Variants in KRT27 observed in about 807,000 individuals in gnomAD.
The protein encoded by KRT27 is keratin 27.
KRT27 carries 30 observed loss-of-function variants against 45.3 expected under a neutral mutation model. The observed-to-expected ratio is 0.66, with a 90% CI of 0.50 to 0.90. The LOEUF is 0.90. KRT27 is among the 40% of genes least tolerant of loss of function. The pLI, the probability that KRT27 is intolerant of heterozygous loss-of-function variation, is 0.00. For synonymous variants in KRT27, 204 were observed against 223.9 expected, an observed-to-expected ratio of 0.91 and a Z score of 0.79; for missense variants, 610 against 564.3, an observed-to-expected ratio of 1.08 and a Z score of -0.82.
intron 1 of KRT27, 123 bp from the exon 2 acceptor site, chr17:40,781,393 C>G: frequency 1.6e-6 from 1 of 610,152 alleles, no homozygotes; most frequent in Non-Finnish European, 2.9e-6. Flanking sequence ...ATAATCAGAC[C>G]ATTCTTTTGA....
chr17:40,782,512 C>A lies in KRT27; in HGVS notation c.-19G>T, dbSNP rs367832183. On this transcript the variant is annotated 5_prime_UTR_variant, in exon 1 of 8. Coordinates refer to ENST00000301656, the MANE Select transcript of KRT27 (RefSeq NM_181537.4). ...CAGACATGGTGTCCGGAGGCTGGAG[C>A]CTTTGTTTCTGCGGTGATGCTCTGA... 422 of 1,513,870 alleles carry A rather than the reference C, an allele frequency of 2.8e-4. 1 individual carries two copies. The highest frequency in any genetic ancestry group is 6.0e-5 in the Non-Finnish European group (68 of 1,129,970). 93.8% of individuals were successfully genotyped at this position (1,513,870 alleles called of 1,614,324 possible).
At position 40,779,933 on chromosome 17, in the gene KRT27, G is replaced by T; in HGVS notation, c.685-72C>A. 10 of 1,487,778 alleles carry T rather than the reference G, an allele frequency of 6.7e-6. No homozygotes were observed. The South Asian group carries it at 1.3e-4, about 20-fold the overall frequency. The allele number at this position is 1,487,778 out of a possible 1,614,324, so 92.2% of individuals were successfully genotyped here. The stretch of plus-strand genomic sequence containing the variant: ...ATTGCACTTTTTGAGTTAGGGTCTC[G>T]CTCTGATGCCTAGGCTGAAATGCAG... On this transcript the variant is annotated intron_variant, in intron 3 of 7. Transcript: ENST00000301656.
Position 40,777,611 on chromosome 17 carries a change from T to G in KRT27, c.1094A>C (p.Glu365Ala), listed in dbSNP as rs752748344. 4 of 1,613,974 alleles carry G rather than the reference T, an allele frequency of 2.5e-6. No individual in the cohort carries two copies. The highest frequency in any genetic ancestry group is 3.4e-6 in the Non-Finnish European group (4 of 1,179,990). The change falls in exon 6 of 8, where the codon GAG becomes GCG. Residue 365 changes from glutamate (E) to alanine (A), a missense_variant. Physicochemically the swap from Glu to Ala is moderately radical, Grantham distance 107 (BLOSUM62 -1). Coordinates refer to ENST00000301656, the MANE Select transcript of KRT27 (RefSeq NM_181537.4). ...EQLHQVRTETEGQKLEYEQLL... is the reference protein window; with the variant it reads ...EQLHQVRTETAGQKLEYEQLL... ...CTGCTCATACTCGAGCTTCTGGCCC[T>G]CGGTCTCGGTTCTGACCTGGTGCAG...
At chr17:40,780,858 A>C (rs1204904857) in intron 2 of KRT27, among the ~76,000 whole-genome samples, 2 of 152,010 alleles carry the variant, frequency 1.3e-5, no homozygotes, top group African/African-American at 4.8e-5. Flanking sequence ...CCAAAAAATA[A>C]ATAAATAAAT....
At position 40,780,316 on chromosome 17, in the gene KRT27, T is replaced by C. The variant is rs536280616; in HGVS notation, c.668A>G (p.Lys223Arg). ...ETLSEELAYLKKNHEEEMKAL... is the reference protein window; with the variant it reads ...ETLSEELAYLRKNHEEEMKAL... ...AGCTTCTACCTCCTCATGATTCTTCTTGAGGTAAGCGAGCTCCTCACTGAG... is the reference window on the plus strand; with the variant it reads ...AGCTTCTACCTCCTCATGATTCTTCCTGAGGTAAGCGAGCTCCTCACTGAG... Residue 223 changes from lysine to arginine, a missense_variant, in exon 3 of 8, where the codon AAG (lysine) becomes AGG (arginine). Transcript: ENST00000301656. 6.8e-6 allele frequency: 11 copies of C among 1,611,886 alleles called. No individual in the cohort carries two copies. The East Asian group carries it at 2.2e-4, about 33-fold the overall frequency.
rs749080763 is a variant in KRT27, at chr17:40,779,569, T to C, written c.905A>G (p.Asn302Ser). Residue 302 changes from asparagine to serine, a missense_variant, in exon 5 of 8, where the codon AAT becomes AGT. Coordinates refer to ENST00000301656, the MANE Select transcript of KRT27 (RefSeq NM_181537.4). ...DDAGATTSARNELIEMKRTLQ... is the reference protein window; with the variant it reads ...DDAGATTSARSELIEMKRTLQ... ...AGTGCGTTTCATCTCGATAAGCTCA[T>C]TCCGGGCTGAGGTGGTGGCGCCAGC... 5.9e-5 allele frequency: 95 copies of C among 1,614,128 alleles called. No individual in the cohort carries two copies. The highest frequency in any genetic ancestry group is 4.0e-4 in the Admixed American group (24 of 60,016).
chr17:40,778,846 T>C (rs996116814), intron 5 of KRT27, among the ~76,000 whole-genome samples: 1 of 152,014 alleles, frequency 6.6e-6, no homozygotes, highest in Non-Finnish European at 1.5e-5. Flanking sequence ...TTTTTCTTTT[T>C]TTTTAAATGG....
In KRT27 at chr17:40,777,678, G is replaced by A. The variant is rs769765527; in HGVS notation, c.1027C>T (p.Leu343=). Residue 343 remains leucine (L), a synonymous_variant, in exon 6 of 8, where the codon CTG becomes TTG. Coordinates refer to ENST00000301656, the MANE Select transcript of KRT27 (RefSeq NM_181537.4). ...CCGATCTGAGCCTGGATCTGTGCCA[G>A]CTGTGCACAGTAGTTACTCTCGGTC... ...TETESNYCAQ[L]AQIQAQIGAL... The A allele has an allele frequency of 5.6e-6, 9 of 1,614,162 alleles. No homozygotes were observed. The highest frequency in any genetic ancestry group is 5.5e-5 in the South Asian group (5 of 91,084).
chr17:40,780,987 A>C (rs933604439), intron 2 of KRT27, among the ~76,000 whole-genome samples: 132 of 152,326 alleles, frequency 8.7e-4, no homozygotes, highest in African/African-American at 3.0e-3. Flanking sequence ...TGACTTTGAC[A>C]CTCGTTTTTG....
intron 1 of KRT27, 21 bp downstream of exon 1, chr17:40,782,029 T>C (rs1298638916): frequency 6.3e-7 from 1 of 1,594,612 alleles, no homozygotes; most frequent in Non-Finnish European, 8.5e-7. Flanking sequence ...GTGCTAACAC[T>C]CACGCCATGG....
At chr17:40,781,646 T>C (rs1400810067) in intron 1 of KRT27, among the ~76,000 whole-genome samples, 1 of 152,170 alleles carries the variant, frequency 6.6e-6, no homozygotes, top group East Asian at 1.9e-4. Flanking sequence ...GCCAGGCTGG[T>C]CTTGAACCCC....
Position 40,777,606 on chromosome 17 carries a change from G to A in KRT27, c.1099C>T (p.Gln367Ter), listed in dbSNP as rs199748406. Residue 367 changes from glutamine to a stop codon, truncating the protein, a stop_gained, in exon 6 of 8, where the codon CAG becomes TAG. Transcript: ENST00000301656. LOFTEE classifies it high-confidence loss of function. ...LHQVRTETEG[Q>*]KLEYEQLLDI... ...AGGAGCTGCTCATACTCGAGCTTCT[G>A]GCCCTCGGTCTCGGTTCTGACCTGG... is the stretch of plus-strand genomic sequence containing the variant. 7 of 1,614,026 alleles carry A rather than the reference G, an allele frequency of 4.3e-6. No individual in the cohort carries two copies. The Admixed American group carries it at 1.2e-4, about 27-fold the overall frequency.
chr17:40,779,477 ATC>A, intron 5 of KRT27, 23 bp downstream of exon 5: 1 of 1,577,784 alleles, frequency 6.3e-7, no homozygotes, highest in Non-Finnish European at 8.6e-7. Context: ...TCTAAAGCAA[ATC>A]TGTTTTGTAA....
chr17:40,777,825 A>C, intron 5 of KRT27, 93 bp from the exon 6 acceptor site: 1 of 1,213,556 alleles, frequency 8.2e-7, no homozygotes, highest in Non-Finnish European at 1.2e-6. Context: ...AATTATCCTT[A>C]CATCATGCAA....
In KRT27 at chr17:40,779,801, G is replaced by C. The variant is rs368544389; in HGVS notation, c.745C>G (p.Pro249Ala). The change falls in exon 4 of 8, where the codon CCC (proline) becomes GCC (alanine). Residue 249 changes from proline to alanine, a missense_variant. Transcript: ENST00000301656. ...AGCAGAACCGTGAGGTCTACCCCGG[G>C]GGCCGCGTTCATCTCCACGTTCACG... ...GNVNVEMNAAPGVDLTVLLNN... is the reference protein window; with the variant it reads ...GNVNVEMNAAAGVDLTVLLNN... 76 of 1,614,120 alleles carry C rather than the reference G, an allele frequency of 4.7e-5. No individual in the cohort carries two copies. The highest frequency in any genetic ancestry group is 6.3e-5 in the Non-Finnish European group (74 of 1,180,046).
chr17:40,782,014 C>A (rs1421298548), intron 1 of KRT27, 36 bp downstream of exon 1: 1 of 1,560,716 alleles, frequency 6.4e-7, no homozygotes, highest in Admixed American at 1.7e-5. Context: ...TAAACACTCT[C>A]AGGAGTGCTA....
At chr17:40,778,758 T>C (rs1008906212) in intron 5 of KRT27, among the ~76,000 whole-genome samples, 7 of 152,192 alleles carry the variant, frequency 4.6e-5, no homozygotes, top group African/African-American at 1.7e-4. Flanking sequence ...GTGCTCTTAA[T>C]TGAGTGGCCA....
At chr17:40,777,935 C>T in intron 5 of KRT27, 2 of 609,782 alleles carry the variant, frequency 3.3e-6, no homozygotes, top group Non-Finnish European at 5.6e-6. Context: ...ACAGCTGGTG[C>T]TGAATGTCCC....
rs773729348 is a variant in KRT27 at position 40,779,732 on chromosome 17, G to A, written c.814C>T (p.Arg272Cys). 5 of 1,614,128 alleles carry A rather than the reference G, an allele frequency of 3.1e-6. No homozygotes were observed. In the Admixed American group the frequency reaches 6.7e-5, roughly 22 times the overall value. ...AEYEALAEQN[R>C]RDAEAWFNEK... ...TTGAACCAGGCCTCCGCGTCCCTGCGGTTCTGCTCTGCGAGGGCTTCGTAC... is the reference window on the plus strand; with the variant it reads ...TTGAACCAGGCCTCCGCGTCCCTGCAGTTCTGCTCTGCGAGGGCTTCGTAC... Residue 272 changes from arginine to cysteine, a missense_variant, in exon 4 of 8, where the codon CGC becomes TGC. Coordinates refer to ENST00000301656, the MANE Select transcript of KRT27 (RefSeq NM_181537.4).
Sources: gnomAD v4.1 joint callset for allele counts (sites outside exome capture counted in the v4.1 genomes callset) on GRCh38, gnomAD v4.1.1 for gene constraint, MANE v1.5 for transcripts, NCBI Gene and HGNC (gene_info 2026-07-23, HGNC 2026-07-21) for gene names.